MITF: variants seen among roughly 807,000 people sequenced by gnomAD.
The protein encoded by MITF is melanocyte inducing transcription factor.
A neutral mutation model predicts 60.5 loss-of-function variants in MITF; 17 were observed. The observed-to-expected ratio is 0.28, with a 90% CI of 0.19 to 0.42. The LOEUF (loss-of-function observed/expected upper bound fraction) is 0.42. Ranked by LOEUF, MITF falls within the 10% of genes least tolerant of loss-of-function variation. The pLI, the probability that MITF is intolerant of heterozygous loss-of-function variation, is 1.00. For synonymous variants in MITF, 260 were observed against 248.5 expected (o/e 1.05, Z -0.43); for missense variants, 622 against 683.5 (o/e 0.91, Z 1.00).
chr3:69,809,629 T>A (rs2106989479), intron 1 of MITF, among the ~76,000 whole-genome samples: 1 of 150,236 alleles, frequency 6.7e-6, no homozygotes, highest in Admixed American at 6.6e-5. Flanking sequence ...TAAGTACATT[T>A]TTTTTTTTTT....
intron 1 of MITF, among the ~76,000 whole-genome samples, chr3:69,809,028 A>G (rs2063058279): frequency 6.6e-6 from 1 of 152,094 alleles, no homozygotes; most frequent in Non-Finnish European, 1.5e-5. Flanking sequence ...GGGGTGGAGC[A>G]TATGGATAAA....
At chr3:69,813,071 C>T (rs1471208552) in intron 1 of MITF, among the ~76,000 whole-genome samples, 1 of 152,024 alleles carries the variant, frequency 6.6e-6, no homozygotes, top group Non-Finnish European at 1.5e-5. Context: ...TCCAATTATA[C>T]AATTGGAATA....
intron 2 of MITF, chr3:69,936,689 C>A (rs751771761): frequency 1.7e-5 from 27 of 1,613,048 alleles, no homozygotes; most frequent in Non-Finnish European, 2.2e-5. Flanking sequence ...AGTCTACCGT[C>A]TCTCACTGGA....
chr3:69,859,146 T>C (rs1253138141), intron 1 of MITF, among the ~76,000 whole-genome samples: 1 of 152,140 alleles, frequency 6.6e-6, no homozygotes, highest in Non-Finnish European at 1.5e-5. Flanking sequence ...CTGTCTCCAG[T>C]TGGAAAAATG....
At chr3:69,811,305 A>G (rs1050330208) in intron 1 of MITF, among the ~76,000 whole-genome samples, 3 of 152,220 alleles carry the variant, frequency 2.0e-5, no homozygotes, top group African/African-American at 7.2e-5. Context: ...GAGAAGGGCT[A>G]TGGCATTTGC....
intron 2 of MITF, among the ~76,000 whole-genome samples, chr3:69,903,429 GACTA>G (rs1416996526): frequency 2.0e-5 from 3 of 152,144 alleles, no homozygotes; most frequent in Admixed American, 6.5e-5. Context: ...TTCTGAGCCT[GACTA>G]ACTATCTTGC....
intron 1 of MITF, among the ~76,000 whole-genome samples, chr3:69,872,009 T>A (rs1575853339): frequency 6.6e-6 from 1 of 152,266 alleles, no homozygotes; most frequent in Middle Eastern, 3.4e-3. Flanking sequence ...TTGGACAGAG[T>A]AAGCAAGAAT....
chr3:69,913,424 A>G (rs887891374), intron 2 of MITF, among the ~76,000 whole-genome samples: 2 of 151,996 alleles, frequency 1.3e-5, no homozygotes. Context: ...TTATACCACT[A>G]TTTTTCTTTA....
Position 69,849,473 on chromosome 3 carries a change from G to T in MITF, c.105-29661G>T, listed in dbSNP as rs147371275. ...AGTGTATTCACTGCTTGTACTTCAG[G>T]TTCTGTGCAAAGTACATGCCAGGCA... On this transcript the variant is annotated intron_variant, in intron 1 of 9. Transcript: ENST00000352241. 2.0e-5 allele frequency among the ~76,000 whole-genome samples: 3 copies of T among 152,290 alleles called. No homozygotes were observed. The East Asian group carries it at 5.8e-4, about 29-fold the overall frequency.
At chr3:69,934,695 G>A (rs1215381079) in intron 2 of MITF, among the ~76,000 whole-genome samples, 2 of 152,188 alleles carry the variant, frequency 1.3e-5, no homozygotes, top group African/African-American at 4.8e-5. Flanking sequence ...GTGTTGTCAG[G>A]CACATTGTCT....
intron 7 of MITF, among the ~76,000 whole-genome samples, chr3:69,952,359 AAAAT>A (rs1353837638): frequency 6.6e-6 from 1 of 152,222 alleles, no homozygotes; most frequent in Non-Finnish European, 1.5e-5. Context: ...TGACTTAAAA[AAAAT>A]AGCCCTAAAG....
At chr3:69,887,568 A>G (rs183179330) in intron 2 of MITF, among the ~76,000 whole-genome samples, 3 of 152,248 alleles carry the variant, frequency 2.0e-5, no homozygotes, top group African/African-American at 7.2e-5. Flanking sequence ...TTTGTTTAGT[A>G]ATTTATAACT....
At chr3:69,894,674 GAAA>G (rs201815152) in intron 2 of MITF, among the ~76,000 whole-genome samples, 2 of 111,512 alleles carry the variant, frequency 1.8e-5, no homozygotes. Flanking sequence ...CAACAAGAGT[GAAA>G]AAAAAAAAAA....
At chr3:69,895,584 A>G (rs979414385) in intron 2 of MITF, among the ~76,000 whole-genome samples, 4 of 151,858 alleles carry the variant, frequency 2.6e-5, no homozygotes, top group Admixed American at 2.6e-4. Context: ...TCTCTGACAC[A>G]ATTTTTGGTC....
chr3:69,938,377 A>G (rs1270277300), intron 3 of MITF: 2 of 1,567,420 alleles, frequency 1.3e-6, no homozygotes, highest in Non-Finnish European at 8.7e-7. Flanking sequence ...GAATGCAGAG[A>G]GAGGAGAAGG....
Position 69,966,833 on chromosome 3 carries a change from T to G in MITF, c.*1585T>G, listed in dbSNP as rs2066700853. ...TAAAGCATATCCATTCAGAATGAAG[T>G]GCCTTAAATATAGCAGTAGTCTTTT... On this transcript the variant is annotated 3_prime_UTR_variant, in exon 10 of 10. Coordinates refer to ENST00000352241, the MANE Select transcript of MITF (RefSeq NM_001354604.2). 1 of 232,838 alleles carries G rather than the reference T, an allele frequency of 4.3e-6. No individual in the cohort carries two copies. The highest frequency in any genetic ancestry group is 2.2e-5 in the African/African-American group (1 of 45,306). 14.4% of individuals were successfully genotyped at this position (232,838 alleles called of 1,614,324 possible).
chr3:69,964,168 G>A (rs1040810915), intron 9 of MITF, among the ~76,000 whole-genome samples: 6 of 151,656 alleles, frequency 4.0e-5, no homozygotes, highest in African/African-American at 1.5e-4. Flanking sequence ...GTGGAGACGG[G>A]GTTTCAACCA....
At chr3:69,833,767 T>C (rs1012768672) in intron 1 of MITF, among the ~76,000 whole-genome samples, 1 of 152,266 alleles carries the variant, frequency 6.6e-6, no homozygotes, top group African/African-American at 2.4e-5. Context: ...GGTTTTTCTA[T>C]GTACACTGTA....
At chr3:69,834,692 T>G (rs955623155) in intron 1 of MITF, among the ~76,000 whole-genome samples, 1 of 152,160 alleles carries the variant, frequency 6.6e-6, no homozygotes, top group African/African-American at 2.4e-5. Context: ...ATATATCCAA[T>G]AGAAGGGTTG....
Sources: allele counts gnomAD v4.1 joint callset (sites outside exome capture counted in the v4.1 genomes callset), GRCh38; gene constraint gnomAD v4.1.1; transcripts MANE v1.5; gene names NCBI Gene and HGNC (gene_info 2026-07-23, HGNC 2026-07-21).